SLC7A6: variants seen among roughly 807,000 people sequenced by gnomAD.
The protein encoded by SLC7A6 is solute carrier family 7 member 6.
Under a neutral mutation model 46.6 loss-of-function variants are expected in SLC7A6, and 29 were observed. The observed-to-expected ratio is 0.62, with a 90% CI of 0.46 to 0.85. SLC7A6 has a LOEUF of 0.85. Among genes scored for constraint, SLC7A6 ranks in the 40% least tolerant of loss-of-function variants. SLC7A6 has a pLI of 0.00. For missense variants in SLC7A6, 527 were observed against 647.6 expected (o/e 0.81, Z 2.02); for synonymous variants, 276 against 257.3 (o/e 1.07, Z -0.70).
chr16:68,278,468 A>C (rs2042759599), intron 3 of SLC7A6, among the ~76,000 whole-genome samples: 1 of 147,102 alleles, frequency 6.8e-6, no homozygotes, highest in South Asian at 2.1e-4. Context: ...TTTTTTTTGC[A>C]GTGTTTGTGT....
At chr16:68,266,429 A>G (rs1363749579) in intron 1 of SLC7A6, among the ~76,000 whole-genome samples, 164 bp from the exon 2 acceptor site, 1 of 152,192 alleles carries the variant, frequency 6.6e-6, no homozygotes, top group Non-Finnish European at 1.5e-5. Flanking sequence ...AGTAATTAGG[A>G]CTGCCCCTGC....
Position 68,290,429 on chromosome 16 carries a change from G to A in SLC7A6, c.683G>A (p.Gly228Asp). 1.2e-6 allele frequency: 2 copies of A among 1,614,062 alleles called. No homozygotes were observed. Among genetic ancestry groups the A allele is most frequent in the Non-Finnish European group, 1.7e-6 (2 of 1,180,004 alleles). Residue 228 changes from glycine to aspartate, a missense_variant, in exon 5 of 11, where the codon GGT (glycine) becomes GAT (aspartate). Coordinates refer to ENST00000219343, the MANE Select transcript of SLC7A6 (RefSeq NM_003983.6). ...GAGCACTTTCAGGACGCCTTTGAGG[G>A]TTCCTCCTGGGACATGGGAAACCTC... Reference protein sequence around the residue: ...HSEHFQDAFEGSSWDMGNLSL... With the variant: ...HSEHFQDAFEDSSWDMGNLSL...
At position 68,301,282 on chromosome 16, in the gene SLC7A6, G is replaced by A; in HGVS notation, c.*3954G>A. ...ATGGACATCACAAGACCATCAGTCT[G>A]AATCCAGGTCGTGGGGGCTGTCATA... On this transcript the variant is annotated 3_prime_UTR_variant, in exon 11 of 11. Transcript: ENST00000219343. 6.2e-7 allele frequency: 1 copy of A among 1,614,060 alleles called. No individual in the cohort carries two copies. Among genetic ancestry groups the A allele is most frequent in the Non-Finnish European group, 8.5e-7 (1 of 1,179,938 alleles).
Position 68,266,629 on chromosome 16 carries a change from C to G in SLC7A6, c.-129C>G, listed in dbSNP as rs1322118253. 1.3e-5 allele frequency: 2 copies of G among 152,128 alleles called. No individual in the cohort carries two copies. The highest frequency in any genetic ancestry group is 4.8e-5 in the African/African-American group (2 of 41,436). The allele number at this position is 152,128 out of a possible 1,614,324, so 9.4% of individuals were successfully genotyped here. A position where few individuals can be genotyped will look rare whatever the true frequency, so the allele number is the denominator to read the frequency against. On this transcript the variant is annotated 5_prime_UTR_variant, in exon 2 of 11. Coordinates refer to ENST00000219343, the MANE Select transcript of SLC7A6 (RefSeq NM_003983.6). ...CCGAGGCAGACAAGTGGAATTAGGCCTTGCTGCAGGGGACTTCATTTCCTT... is the reference window on the plus strand; with the variant it reads ...CCGAGGCAGACAAGTGGAATTAGGCGTTGCTGCAGGGGACTTCATTTCCTT...
In SLC7A6 at chr16:68,287,865, T is replaced by C; in HGVS notation, c.643T>C (p.Cys215Arg). 1 of 1,613,904 alleles carries C rather than the reference T, an allele frequency of 6.2e-7. No homozygotes were observed. Among genetic ancestry groups the C allele is most frequent in the South Asian group, 1.1e-5 (1 of 91,050 alleles). The change falls in exon 4 of 11, where the codon TGC becomes CGC. Residue 215 changes from cysteine (C) to arginine (R), a missense_variant. Coordinates refer to ENST00000219343, the MANE Select transcript of SLC7A6 (RefSeq NM_003983.6). Reference sequence around the variant, plus strand: ...CATTGTCATGGGCCTTGTTAAACTGTGCCAGGGTAAGTGGTGGGAAGGGGG... The same window carrying C: ...CATTGTCATGGGCCTTGTTAAACTGCGCCAGGGTAAGTGGTGGGAAGGGGG... The part of the protein sequence containing the change: ...AIIVMGLVKL[C>R]QGHSEHFQDA...
Position 68,284,952 on chromosome 16 carries a change from G to A in SLC7A6, c.524-2794G>A, listed in dbSNP as rs531020394. ...ACAGATGCTATTACAGTGCACTATAGGCCCGGACTCCTGGGTTCGGCAGTT... is the reference window on the plus strand; with the variant it reads ...ACAGATGCTATTACAGTGCACTATAAGCCCGGACTCCTGGGTTCGGCAGTT... On this transcript the variant is annotated intron_variant, in intron 3 of 10. Coordinates refer to ENST00000219343, the MANE Select transcript of SLC7A6 (RefSeq NM_003983.6). Among the ~76,000 whole-genome samples, 6 of 143,976 alleles carry A rather than the reference G, an allele frequency of 4.2e-5. No homozygotes were observed. The South Asian group carries it at 1.4e-3, about 32-fold the overall frequency. The allele number at this position is 143,976 out of a possible 152,430, so 94.5% of individuals were successfully genotyped here.
chr16:68,301,581 T>C lies in SLC7A6; in HGVS notation c.*4253T>C. 1 of 507,914 alleles carries C rather than the reference T, an allele frequency of 2.0e-6. No homozygotes were observed. Among genetic ancestry groups the C allele is most frequent in the Non-Finnish European group, 3.3e-6 (1 of 299,306 alleles). The allele number at this position is 507,914 out of a possible 1,614,324, so 31.5% of individuals were successfully genotyped here. The stretch of plus-strand genomic sequence containing the variant: ...TTTTAAAGAAGGAATCACTTTCCTA[T>C]CATCTAAACCAAGTTCCTTCACACT... On this transcript the variant is annotated 3_prime_UTR_variant, in exon 11 of 11. Coordinates refer to ENST00000219343, the MANE Select transcript of SLC7A6 (RefSeq NM_003983.6).
At chr16:68,268,168 A>G (rs1447840887) in intron 2 of SLC7A6, among the ~76,000 whole-genome samples, 1 of 152,216 alleles carries the variant, frequency 6.6e-6, no homozygotes, top group Non-Finnish European at 1.5e-5. Context: ...GGGAGCCCCA[A>G]CTTGAAACAG....
At chr16:68,287,699 G>C (rs760967045) in intron 3 of SLC7A6, 47 bp from the exon 4 acceptor site, 2 of 1,598,838 alleles carry the variant, frequency 1.3e-6, no homozygotes, top group Non-Finnish European at 8.5e-7. Context: ...TTGGGCCCCT[G>C]TGCCCTCAAC....
At chr16:68,275,280 G>A (rs780297055) in intron 3 of SLC7A6, 31 bp downstream of exon 3, 195 of 1,572,866 alleles carry the variant, frequency 1.2e-4, no homozygotes, top group Non-Finnish European at 1.6e-4. Context: ...GGAGGATGTT[G>A]GGGGGTGGGG....
Position 68,287,781 on chromosome 16 carries a change from TG to T in SLC7A6, c.563del (p.Gly188AlafsTer14), listed in dbSNP as rs2042968243. 1 of 1,614,048 alleles carries T rather than the reference TG, an allele frequency of 6.2e-7. No individual in the cohort carries two copies. Among genetic ancestry groups the T allele is most frequent in the African/African-American group, 1.3e-5 (1 of 74,932 alleles). On this transcript the variant is annotated frameshift_variant, in exon 4 of 11. Transcript: ENST00000219343. LOFTEE classifies it high-confidence loss of function. ...LTFVNCAYVK[W>X]GTRVQDTFTY... ...ATTTGTGAACTGTGCCTATGTCAAG[TG>T]GGGCACACGTGTGCAGGACACGTTC...
chr16:68,275,286 T>A, intron 3 of SLC7A6, 37 bp downstream of exon 3: 1 of 801,426 alleles, frequency 1.2e-6, no homozygotes, highest in Non-Finnish European at 1.9e-6. Flanking sequence ...TGTTGGGGGG[T>A]GGGGGGTACT....
At chr16:68,270,215 A>G (rs1195203897) in intron 2 of SLC7A6, among the ~76,000 whole-genome samples, 1 of 151,152 alleles carries the variant, frequency 6.6e-6, no homozygotes, top group Non-Finnish European at 1.5e-5. Context: ...AGTCTTAAGC[A>G]GGCCCTGTTT....
At position 68,275,023 on chromosome 16, in the gene SLC7A6, A is replaced by C; in HGVS notation, c.297A>C (p.Ala99=). The change falls in exon 3 of 11, where the codon GCA becomes GCC. Residue 99 remains alanine, a synonymous_variant. Transcript: ENST00000219343. ...CTGTTGTGGGTGCCCTTTGTTATGC[A>C]GAGCTGGGGACCACCATCACCAAGT... ...LFSVVGALCY[A]ELGTTITKSG... is the part of the protein sequence containing the mutation. 1 of 1,614,148 alleles carries C rather than the reference A, an allele frequency of 6.2e-7. No homozygotes were observed. Among genetic ancestry groups the C allele is most frequent in the South Asian group, 1.1e-5 (1 of 91,074 alleles).
intron 7 of SLC7A6, 71 bp from the exon 8 acceptor site, chr16:68,294,634 C>A: frequency 8.9e-7 from 1 of 1,129,306 alleles, no homozygotes; most frequent in Non-Finnish European, 1.3e-6. Context: ...CTGAGTTTGT[C>A]CAAGTGAGGA....
chr16:68,301,549 C>CTT lies in SLC7A6; in HGVS notation c.*4230_*4231dup, dbSNP rs112503740. ...AATAAATAAAAAAGAATATAGAATTCTTTTTTTTTTAAAGAAGGAATCACT... is the reference window on the plus strand; with the variant it reads ...AATAAATAAAAAAGAATATAGAATTCTTTTTTTTTTTTAAAGAAGGAATCACT... On this transcript the variant is annotated 3_prime_UTR_variant, in exon 11 of 11. Transcript: ENST00000219343. 4.0e-5 allele frequency: 23 copies of CTT among 575,608 alleles called. No individual in the cohort carries two copies. In the South Asian group the frequency reaches 4.8e-4, roughly 12 times the overall value. The allele number at this position is 575,608 out of a possible 1,614,324, so 35.7% of individuals were successfully genotyped here.
At chr16:68,282,026 T>C (rs1274123322) in intron 3 of SLC7A6, among the ~76,000 whole-genome samples, 1 of 152,188 alleles carries the variant, frequency 6.6e-6, no homozygotes. Context: ...GAAGAAACAC[T>C]GTATGATCCC....
intron 3 of SLC7A6, among the ~76,000 whole-genome samples, chr16:68,276,044 G>A (rs1300116875): frequency 1.3e-5 from 2 of 152,152 alleles, no homozygotes; most frequent in Non-Finnish European, 1.5e-5. Context: ...GGAGTCCTAC[G>A]GTGTTAAACT....
chr16:68,289,123 C>T (rs1317234518), intron 4 of SLC7A6, among the ~76,000 whole-genome samples: 2 of 151,730 alleles, frequency 1.3e-5, no homozygotes, highest in Non-Finnish European at 1.5e-5. Flanking sequence ...GAAACCCTGT[C>T]TCTACTAAAA....
Sources: gnomAD v4.1 joint callset for allele counts (sites outside exome capture counted in the v4.1 genomes callset) on GRCh38, gnomAD v4.1.1 for gene constraint, MANE v1.5 for transcripts, NCBI Gene and HGNC (gene_info 2026-07-23, HGNC 2026-07-21) for gene names.